FAM168A: variants seen among roughly 807,000 people sequenced by gnomAD.
The protein encoded by FAM168A is family with sequence similarity 168 member A, also known as protein FAM168A.
A neutral mutation model predicts 28.5 loss-of-function variants in FAM168A; 3 were observed. The observed-to-expected ratio is 0.11, with a 90% confidence interval of 0.05 to 0.27. FAM168A has a LOEUF of 0.27. Among genes scored for constraint, FAM168A ranks in the 10% least tolerant of loss-of-function variants. The probability of loss-of-function intolerance (pLI) is 1.00; values close to 1 mark genes in which losing one functional copy is unlikely to be tolerated. For missense variants in FAM168A, 222 were observed against 311.5 expected, an observed-to-expected ratio of 0.71 and a Z score of 2.16; for synonymous variants, 122 against 124.2, an observed-to-expected ratio of 0.98 and a Z score of 0.12.
At chr11:73,566,507 A>G (rs535475692) in intron 1 of FAM168A, among the ~76,000 whole-genome samples, 3 of 152,226 alleles carry the variant, frequency 2.0e-5, no homozygotes, top group South Asian at 2.1e-4. Context: ...ACAATTAAGC[A>G]TCCATTTGTT....
chr11:73,468,281 T>C, intron 2 of FAM168A, 124 bp downstream of exon 2: 1 of 778,696 alleles, frequency 1.3e-6, no homozygotes, highest in Non-Finnish European at 2.0e-6. Flanking sequence ...CTCAGACATA[T>C]CTTCTGCATG....
At chr11:73,475,742 C>T (rs1867879530) in intron 1 of FAM168A, among the ~76,000 whole-genome samples, 1 of 152,166 alleles carries the variant, frequency 6.6e-6, no homozygotes. Context: ...TACCCTGGGG[C>T]TGCCCTTATC....
intron 1 of FAM168A, among the ~76,000 whole-genome samples, chr11:73,545,564 C>A (rs1016319587): frequency 6.6e-6 from 1 of 151,558 alleles, no homozygotes; most frequent in African/African-American, 2.4e-5. Context: ...CTCAACTATA[C>A]AATTTAAATG....
intron 5 of FAM168A, among the ~76,000 whole-genome samples, chr11:73,410,298 C>A (rs1866585669): frequency 6.6e-6 from 1 of 151,992 alleles, no homozygotes. Context: ...GTCCCAGCTA[C>A]CTGGGAGGCT....
chr11:73,401,992 T>A lies in FAM168A; in HGVS notation c.*4771A>T, dbSNP rs1866420853. 1 of 152,278 alleles carries A rather than the reference T, an allele frequency of 6.6e-6. No homozygotes were observed. The highest frequency in any genetic ancestry group is 1.5e-5 in the Non-Finnish European group (1 of 68,074). The allele number at this position is 152,278 out of a possible 1,614,324, so 9.4% of individuals were successfully genotyped here. A position where few individuals can be genotyped will look rare whatever the true frequency, so the allele number is the denominator to read the frequency against. On this transcript the variant is annotated 3_prime_UTR_variant, in exon 8 of 8. Coordinates refer to ENST00000356467, the MANE Select transcript of FAM168A (RefSeq NM_015159.3). ...TAAAGGACAAACCCTGCAGCCCCCT[T>A]GGCATGCCTGCCTGTGCGCTCAGAG... is the stretch of plus-strand genomic sequence containing the variant.
chr11:73,409,571 T>C lies in FAM168A; in HGVS notation c.511A>G (p.Ile171Val). 1 of 1,614,044 alleles carries C rather than the reference T, an allele frequency of 6.2e-7. No individual in the cohort carries two copies. The change falls in exon 6 of 8, where the codon ATC becomes GTC. Residue 171 changes from isoleucine (I) to valine (V), a missense_variant. Ile to Val is a conservative substitution (Grantham distance 29). This residue lies in a region of FAM168A where 64 missense variants were observed against 94.6 expected (regional missense o/e 0.68). Transcript: ENST00000356467. The part of the protein sequence containing the change: ...VVQPNSIPSA[I>V]YPAPVAAPRT... ...GGGGCGGCAACAGGTGCTGGGTAGA[T>C]AGCAGAGGGAATGCTGTTGGGCTGG...
intron 1 of FAM168A, among the ~76,000 whole-genome samples, chr11:73,584,884 G>A (rs775565099): frequency 1.5e-5 from 2 of 132,184 alleles, no homozygotes; most frequent in Non-Finnish European, 3.0e-5. Flanking sequence ...GATAGAGTCC[G>A]AGCACTCTGG....
chr11:73,556,625 T>C (rs1435916608), intron 1 of FAM168A, among the ~76,000 whole-genome samples: 1 of 151,658 alleles, frequency 6.6e-6, no homozygotes, highest in Non-Finnish European at 1.5e-5. Flanking sequence ...TAGTTGACAG[T>C]GATGGTCACA....
intron 2 of FAM168A, among the ~76,000 whole-genome samples, chr11:73,447,033 T>C (rs1047320260): frequency 1.1e-4 from 17 of 152,224 alleles, no homozygotes; most frequent in African/African-American, 3.6e-4. Context: ...ATTTTACACT[T>C]CAACAACAAC....
intron 1 of FAM168A, among the ~76,000 whole-genome samples, chr11:73,561,878 G>T (rs573297685): frequency 6.6e-6 from 1 of 151,964 alleles, no homozygotes; most frequent in Admixed American, 6.6e-5. Flanking sequence ...TATCCCATAC[G>T]ATTCTTGATC....
intron 1 of FAM168A, among the ~76,000 whole-genome samples, chr11:73,589,332 A>G (rs1362981007): frequency 1.3e-5 from 2 of 152,200 alleles, no homozygotes; most frequent in Non-Finnish European, 2.9e-5. Context: ...GCTCAGTGAT[A>G]TGGTTCAGAC....
chr11:73,445,987 CAA>C (rs1002801652), intron 2 of FAM168A, among the ~76,000 whole-genome samples: 3 of 152,140 alleles, frequency 2.0e-5, no homozygotes, highest in Non-Finnish European at 4.4e-5. Context: ...CCAGATCTGA[CAA>C]AAGAGAATGA....
chr11:73,480,969 T>C (rs1014463207), intron 1 of FAM168A, among the ~76,000 whole-genome samples: 1 of 152,230 alleles, frequency 6.6e-6, no homozygotes, highest in Non-Finnish European at 1.5e-5. Context: ...CCATACTCTC[T>C]TGTCTCTGAG....
intron 1 of FAM168A, among the ~76,000 whole-genome samples, chr11:73,530,673 C>T (rs1211817015): frequency 6.6e-6 from 1 of 152,172 alleles, no homozygotes; most frequent in East Asian, 1.9e-4. Flanking sequence ...CCTTAGAATT[C>T]TCTTTTATCT....
At chr11:73,456,762 A>G (rs1447973580) in intron 2 of FAM168A, among the ~76,000 whole-genome samples, 1 of 152,250 alleles carries the variant, frequency 6.6e-6, no homozygotes. Context: ...TCTAATCAGA[A>G]CACTTGCAGT....
chr11:73,409,758 G>T (rs1866575562), intron 5 of FAM168A, 97 bp from the exon 6 acceptor site: 2 of 1,272,144 alleles, frequency 1.6e-6, no homozygotes, highest in Middle Eastern at 2.7e-4. Flanking sequence ...CCGGACCCCA[G>T]CTGGGGCTCT....
At chr11:73,461,735 CTATGT>C (rs992313226) in intron 2 of FAM168A, among the ~76,000 whole-genome samples, 66 of 152,114 alleles carry the variant, frequency 4.3e-4, no homozygotes, top group African/African-American at 1.6e-3. Flanking sequence ...ACGATTATGG[CTATGT>C]TATGTAAAGA....
intron 1 of FAM168A, among the ~76,000 whole-genome samples, chr11:73,499,135 C>A (rs1854950665): frequency 6.6e-6 from 1 of 152,080 alleles, no homozygotes; most frequent in Non-Finnish European, 1.5e-5. Flanking sequence ...GGTCAGAGGT[C>A]CCAGAAGAAG....
chr11:73,569,535 A>T lies in FAM168A; in HGVS notation c.-19+28388T>A, dbSNP rs113246001. On this transcript the variant is annotated intron_variant, in intron 1 of 7. Coordinates refer to ENST00000356467, the MANE Select transcript of FAM168A (RefSeq NM_015159.3). ...GACTATTGTGTATTCCTAAGAAAAC[A>T]GATGTTGGCTGGGCATGGTGGCTCA... Among the ~76,000 whole-genome samples, 966 of 152,354 alleles carry T rather than the reference A, an allele frequency of 6.3e-3. 10 individuals are homozygous for T. Among genetic ancestry groups the T allele is most frequent in the African/African-American group, 0.022 (920 of 41,566 alleles).
Sources: gnomAD v4.1 joint callset for allele counts (sites outside exome capture counted in the v4.1 genomes callset) on GRCh38, gnomAD v4.1.1 for gene constraint, gnomAD v4.1.1 regional missense constraint, MANE v1.5 for transcripts, NCBI Gene and HGNC (gene_info 2026-07-23, HGNC 2026-07-21) for gene names.